Variants in ELAC2 observed in about 807,000 individuals in gnomAD.
ELAC2 encodes zinc phosphodiesterase ELAC protein 2.
In ELAC2, 92 loss-of-function variants were observed where a neutral mutation model predicts 105.2. The observed-to-expected ratio is 0.87, with a 90% confidence interval of 0.74 to 1.04. The LOEUF (loss-of-function observed/expected upper bound fraction) is 1.04. Among genes scored for constraint, ELAC2 ranks in the 50% least tolerant of loss-of-function variants. The pLI, the probability that ELAC2 is intolerant of heterozygous loss-of-function variation, is 0.00. For synonymous variants in ELAC2, 468 were observed against 409.1 expected (o/e 1.14, Z -1.74); for missense variants, 1,099 against 1,071.7 (o/e 1.03, Z -0.36).
At chr17:13,015,395 TAAG>T (rs1169487126) in intron 4 of ELAC2, among the ~76,000 whole-genome samples, 1 of 152,220 alleles carries the variant, frequency 6.6e-6, no homozygotes, top group African/African-American at 2.4e-5. Context: ...GACTGAAAGG[TAAG>T]AAGATGTCAG....
chr17:13,008,270 G>C (rs899596147), intron 8 of ELAC2, among the ~76,000 whole-genome samples: 7 of 151,944 alleles, frequency 4.6e-5, no homozygotes, highest in Non-Finnish European at 7.4e-5. Flanking sequence ...CCAGCACTTT[G>C]GGAGGCCAAG....
At chr17:13,003,832 A>C in intron 11 of ELAC2, 1 of 514,678 alleles carries the variant, frequency 1.9e-6, no homozygotes, top group South Asian at 2.0e-5. Context: ...ATCCTTTCTC[A>C]GCACTGCACT....
intron 16 of ELAC2, 37 bp from the exon 17 acceptor site, chr17:12,996,722 G>A: frequency 6.2e-7 from 1 of 1,607,246 alleles, no homozygotes; most frequent in East Asian, 2.2e-5. Context: ...ACTGCCACTA[G>A]GAAGACTGCT....
chr17:13,000,367 C>T (rs1451697984), intron 14 of ELAC2, 93 bp from the exon 15 acceptor site: 1 of 1,182,984 alleles, frequency 8.5e-7, no homozygotes, highest in South Asian at 1.2e-5. Flanking sequence ...TTCAGGGGGA[C>T]AATCTGCAGG....
rs753958264 is a variant in ELAC2 at position 13,000,267 on chromosome 17, T to C, written c.1312A>G (p.Ile438Val). The C allele has an allele frequency of 3.1e-6, 5 of 1,613,926 alleles. No individual in the cohort carries two copies. Among genetic ancestry groups the C allele is most frequent in the East Asian group, 2.2e-5 (1 of 44,800 alleles). Residue 438 changes from isoleucine (I) to valine (V), a missense_variant, in exon 15 of 24, where the codon ATT becomes GTT. By Grantham distance (29) the Ile-to-Val change is conservative. Transcript: ENST00000338034. ...RPRREWQRDAIITCNPEEFIV... is the reference protein window; with the variant it reads ...RPRREWQRDAVITCNPEEFIV... ...AATTCCTCAGGATTGCAAGTAATAA[T>C]GGCATCCCTGCAGGAAGAGAGAGAA...
Position 13,009,736 on chromosome 17 carries a change from ATCCC to A in ELAC2, c.738+873_738+876del, listed in dbSNP as rs147540831. Among the ~76,000 whole-genome samples, 40 of 152,362 alleles carry A rather than the reference ATCCC, an allele frequency of 2.6e-4. 1 individual carries two copies. The East Asian group carries it at 7.7e-3, about 29-fold the overall frequency. On this transcript the variant is annotated intron_variant, in intron 8 of 23. Transcript: ENST00000338034. ...CCAGGCACAGTGCTTCACGCCTGTAATCCCAGCATTTTGGGAGGCCAAGGTGGGT... is the reference window on the plus strand; with the variant it reads ...CCAGGCACAGTGCTTCACGCCTGTAAAGCATTTTGGGAGGCCAAGGTGGGT...
chr17:13,012,177 A>C (rs147879200), intron 6 of ELAC2, among the ~76,000 whole-genome samples: 2 of 152,322 alleles, frequency 1.3e-5, no homozygotes, highest in East Asian at 3.9e-4. Context: ...CTGCTCTAAG[A>C]AGCTAAAGCA....
chr17:13,014,560 A>C, intron 4 of ELAC2, 64 bp from the exon 5 acceptor site: 2 of 1,182,856 alleles, frequency 1.7e-6, no homozygotes, highest in Non-Finnish European at 2.5e-6. Context: ...CAACTATTCA[A>C]GTATTTAAAA....
Position 13,002,473 on chromosome 17 carries a change from T to A in ELAC2, c.1186A>T (p.Ile396Phe), listed in dbSNP as rs149544601. Residue 396 changes from isoleucine to phenylalanine, a missense_variant, in exon 13 of 24, where the codon ATC becomes TTC. Ile to Phe is a conservative substitution (Grantham distance 21). Transcript: ENST00000338034. ...QTQLNLIHPD[I>F]FPLLTSFRCK... is the part of the protein sequence containing the mutation. ...CGGAAACTGGTGAGCAGGGGGAAGATGTCCGGGTGGATGAGGTTGAGCTGG... is the reference window on the plus strand; with the variant it reads ...CGGAAACTGGTGAGCAGGGGGAAGAAGTCCGGGTGGATGAGGTTGAGCTGG... 3.1e-6 allele frequency: 5 copies of A among 1,610,078 alleles called. No individual in the cohort carries two copies. Among genetic ancestry groups the A allele is most frequent in the Non-Finnish European group, 4.2e-6 (5 of 1,177,948 alleles).
At position 13,011,158 on chromosome 17, in the gene ELAC2, C is replaced by T. The variant is rs542310349; in HGVS notation, c.680-487G>A. 2.3e-3 allele frequency among the ~76,000 whole-genome samples: 349 copies of T among 152,248 alleles called. 1 individual carries two copies. Among genetic ancestry groups the T allele is most frequent in the African/African-American group, 8.0e-3 (333 of 41,552 alleles). Reference sequence around the variant, plus strand: ...AAGAGGAGCTGCCGAGCTTTGCCAACGCTGACCTTCTGTTAAGGACAACAA... The same window carrying T: ...AAGAGGAGCTGCCGAGCTTTGCCAATGCTGACCTTCTGTTAAGGACAACAA... On this transcript the variant is annotated intron_variant, in intron 7 of 23. Coordinates refer to ENST00000338034, the MANE Select transcript of ELAC2 (RefSeq NM_018127.7).
chr17:13,017,619 C>A (rs759074402), intron 1 of ELAC2, 84 bp downstream of exon 1: 91 of 1,599,614 alleles, frequency 5.7e-5, no homozygotes, highest in Non-Finnish European at 7.7e-5. Context: ...AGCAGGGAAG[C>A]CGAAGCCCTG....
In ELAC2 at chr17:13,017,957, T is replaced by C. The variant is rs527804567; in HGVS notation, c.-10A>G. 21 of 1,535,924 alleles carry C rather than the reference T, an allele frequency of 1.4e-5. No individual in the cohort carries two copies. In the South Asian group the frequency reaches 1.8e-4, roughly 13 times the overall value. ...AGCAAAGCGCCCACATGCGCCCGTCTCCACCAAAACTGAGAAAGCCGCCGG... is the reference window on the plus strand; with the variant it reads ...AGCAAAGCGCCCACATGCGCCCGTCCCCACCAAAACTGAGAAAGCCGCCGG... On this transcript the variant is annotated 5_prime_UTR_variant, in exon 1 of 24. Transcript: ENST00000338034.
chr17:12,993,911 A>G, intron 22 of ELAC2, 80 bp from the exon 23 acceptor site: 1 of 1,602,126 alleles, frequency 6.2e-7, no homozygotes, highest in Non-Finnish European at 8.5e-7. Flanking sequence ...GACCCTGGCC[A>G]TCAACTGCCA....
At chr17:13,015,740 T>G (rs762992288) in intron 4 of ELAC2, 28 bp downstream of exon 4, 2 of 1,597,876 alleles carry the variant, frequency 1.3e-6, no homozygotes, top group Non-Finnish European at 1.7e-6. Context: ...AAAGATTGCT[T>G]TTGAAAGATG....
intron 16 of ELAC2, among the ~76,000 whole-genome samples, chr17:12,997,156 G>C (rs965055574): frequency 6.6e-6 from 1 of 152,100 alleles, no homozygotes; most frequent in Admixed American, 6.5e-5. Flanking sequence ...AAGACACCTG[G>C]TGCAGGGCGG....
intron 3 of ELAC2, among the ~76,000 whole-genome samples, chr17:13,016,553 GACAGGAGGAT>G (rs1487000155): frequency 2.0e-5 from 3 of 151,984 alleles, no homozygotes; most frequent in African/African-American, 7.3e-5. Context: ...GGGAGGCCGA[GACAGGAGGAT>G]CGCAGAAGTT....
At chr17:13,007,295 C>CT in intron 8 of ELAC2, among the ~76,000 whole-genome samples, 1 of 152,016 alleles carries the variant, frequency 6.6e-6, no homozygotes, top group East Asian at 1.9e-4. Context: ...CCATTTTCTC[C>CT]TTTAAATCTT....
At chr17:13,006,728 T>C (rs979066761) in intron 8 of ELAC2, among the ~76,000 whole-genome samples, 2 of 152,216 alleles carry the variant, frequency 1.3e-5, no homozygotes, top group Non-Finnish European at 2.9e-5. Context: ...ATGACAGTGA[T>C]AGGCTAACAA....
chr17:13,000,340 G>C lies in ELAC2; in HGVS notation c.1305-66C>G, dbSNP rs1446119682. ...TATATGGCCTCAGCAGACCCCATTG[G>C]GGATGTCCAGAATAAATTCAGGGGG... On this transcript the variant is annotated intron_variant, in intron 14 of 23. Coordinates refer to ENST00000338034, the MANE Select transcript of ELAC2 (RefSeq NM_018127.7). The C allele has an allele frequency of 3.6e-6, 5 of 1,404,970 alleles. No homozygotes were observed. The East Asian group carries it at 1.1e-4, about 32-fold the overall frequency. The allele number at this position is 1,404,970 out of a possible 1,614,324, so 87.0% of individuals were successfully genotyped here. A position where few individuals can be genotyped will look rare whatever the true frequency, so the allele number is the denominator to read the frequency against.
Sources: allele counts gnomAD v4.1 joint callset (sites outside exome capture counted in the v4.1 genomes callset), GRCh38; gene constraint gnomAD v4.1.1; transcripts MANE v1.5; gene names NCBI Gene and HGNC (gene_info 2026-07-23, HGNC 2026-07-21).